The following PDE1A variants were observed in gnomAD, a reference collection of about 807,000 sequenced individuals.
PDE1A encodes the protein dual specificity calcium/calmodulin-dependent 3',5'-cyclic nucleotide phosphodiesterase 1A.
In PDE1A, 35 loss-of-function variants were observed where a neutral mutation model predicts 61.7. The ratio of observed to expected loss-of-function variants is 0.57; its 90% CI spans 0.43 to 0.75. The LOEUF is 0.75. Ranked by LOEUF, PDE1A falls within the 30% of genes least tolerant of loss-of-function variation. The probability of loss-of-function intolerance (pLI) is 0.00; values close to 1 mark genes in which losing one functional copy is unlikely to be tolerated. For synonymous variants in PDE1A, 232 were observed against 213.2 expected, an observed-to-expected ratio of 1.09 and a Z score of -0.77; for missense variants, 597 against 630.6, an observed-to-expected ratio of 0.95 and a Z score of 0.57.
the PDE1A span, among the ~76,000 whole-genome samples, chr2:182,659,831 T>C: frequency 6.6e-6 from 1 of 152,242 alleles, no homozygotes; most frequent in African/African-American, 2.4e-5. Flanking sequence ...GTATTAATAA[T>C]AAAAACCACA....
chr2:182,293,308 T>A (rs1468991968), intron 1 of PDE1A, among the ~76,000 whole-genome samples: 1 of 152,096 alleles, frequency 6.6e-6, no homozygotes, highest in East Asian at 1.9e-4. Context: ...TCATTAAAAC[T>A]TACATTCAAG....
At chr2:182,242,393 G>A (rs1690585998) in intron 2 of PDE1A, among the ~76,000 whole-genome samples, 1 of 152,084 alleles carries the variant, frequency 6.6e-6, no homozygotes, top group Non-Finnish European at 1.5e-5. Context: ...GGATTAATTA[G>A]GGACACACAA....
the PDE1A span, among the ~76,000 whole-genome samples, chr2:182,592,116 C>T: frequency 6.6e-6 from 1 of 152,172 alleles, no homozygotes; most frequent in African/African-American, 2.4e-5. Context: ...AATTTCGATG[C>T]CAGCTTGGTA....
chr2:182,417,632 A>G (rs1387901077), intron 1 of PDE1A, among the ~76,000 whole-genome samples: 1 of 152,212 alleles, frequency 6.6e-6, no homozygotes, highest in Non-Finnish European at 1.5e-5. Flanking sequence ...ATGAAAAATG[A>G]AAGAAAAAAA....
At chr2:182,594,981 T>G in the PDE1A span, among the ~76,000 whole-genome samples, 1 of 152,236 alleles carries the variant, frequency 6.6e-6, no homozygotes, top group Non-Finnish European at 1.5e-5. Flanking sequence ...TATTTAGATT[T>G]TTGCAATAAT....
At chr2:182,602,135 A>T in the PDE1A span, among the ~76,000 whole-genome samples, 1 of 152,236 alleles carries the variant, frequency 6.6e-6, no homozygotes, top group Non-Finnish European at 1.5e-5. Context: ...GGGAGAATCC[A>T]GGCAGAGGGA....
In PDE1A at chr2:182,325,916, C is replaced by T. The variant is rs575936734; in HGVS notation, c.54-61502G>A. Among the ~76,000 whole-genome samples, 193 of 152,264 alleles carry T rather than the reference C, an allele frequency of 1.3e-3. 1 individual carries two copies. The highest frequency in any genetic ancestry group is 9.6e-4 in the Non-Finnish European group (65 of 68,026). ...CCTGGGTGACAGAGCAAGACTCCAT[C>T]TCAAAACAAACAAACAACAACGACA... On this transcript the variant is annotated intron_variant, in intron 1 of 13. Transcript: ENST00000351439.
At chr2:182,429,753 C>CA, upstream of PDE1A, among the ~76,000 whole-genome samples, 1 of 152,212 alleles carries the variant, frequency 6.6e-6, no homozygotes, top group East Asian at 1.9e-4. Context: ...CATTAAGCAT[C>CA]ATGGAGAAAA....
intron 13 of PDE1A, among the ~76,000 whole-genome samples, chr2:182,156,353 T>C (rs1691080377): frequency 6.9e-6 from 1 of 143,976 alleles, no homozygotes; most frequent in South Asian, 2.2e-4. Context: ...CTTTCAACAC[T>C]TTTTTTTTTT....
chr2:182,323,255 G>A (rs987891802), intron 1 of PDE1A, among the ~76,000 whole-genome samples: 9 of 152,090 alleles, frequency 5.9e-5, no homozygotes, highest in African/African-American at 1.9e-4. Flanking sequence ...AATAATTGTG[G>A]CTTATTGTCA....
chr2:182,152,079 A>G (rs1025475139), intron 13 of PDE1A, among the ~76,000 whole-genome samples: 12 of 152,216 alleles, frequency 7.9e-5, no homozygotes, highest in Admixed American at 3.9e-4. Context: ...CAGTCTTTTC[A>G]ACAGAAATAT....
Position 182,436,294 on chromosome 2 carries a change from T to G in PDE1A, c.101+85982A>C, listed in dbSNP as rs542544554. Among the ~76,000 whole-genome samples the G allele has an allele frequency of 2.4e-4, 37 of 152,170 alleles. No homozygotes were observed. The South Asian group carries it at 7.0e-3, about 29-fold the overall frequency. ...CAATCTCATCTTTGGAATTACTATC[T>G]TCTTTTGAATATCAATGTATCATTA... On this transcript the variant is annotated intron_variant, in intron 2 of 14. Transcript: ENST00000410103.
chr2:182,434,175 A>G (rs1337055839), intron 2 of PDE1A, among the ~76,000 whole-genome samples: 1 of 152,152 alleles, frequency 6.6e-6, no homozygotes, highest in Non-Finnish European at 1.5e-5. Context: ...GTCAAGTTAT[A>G]CCAAAAATAT....
intron 10 of PDE1A, among the ~76,000 whole-genome samples, chr2:182,195,365 G>T (rs927777850): frequency 1.3e-5 from 2 of 151,978 alleles, no homozygotes; most frequent in East Asian, 1.9e-4. Flanking sequence ...GATGGGAAAA[G>T]GTAAGAAGGT....
At chr2:182,573,329 C>G in the PDE1A span, among the ~76,000 whole-genome samples, 1 of 152,100 alleles carries the variant, frequency 6.6e-6, no homozygotes, top group Non-Finnish European at 1.5e-5. Context: ...TTGGGACTAA[C>G]TTCCAGATTG....
the PDE1A span, among the ~76,000 whole-genome samples, chr2:182,637,913 C>T: frequency 1.3e-5 from 2 of 151,988 alleles, no homozygotes; most frequent in African/African-American, 4.8e-5. Flanking sequence ...CAGAGCGAGA[C>T]TCTGTCTCAA....
the PDE1A span, among the ~76,000 whole-genome samples, chr2:182,560,014 A>C: frequency 1.3e-5 from 2 of 151,956 alleles, no homozygotes; most frequent in South Asian, 2.1e-4. Context: ...GAGAAGCATT[A>C]AACACATTTT....
chr2:182,583,303 A>T, the PDE1A span, among the ~76,000 whole-genome samples: 8 of 152,370 alleles, frequency 5.3e-5, no homozygotes, highest in African/African-American at 1.9e-4. Flanking sequence ...GGAAATTATC[A>T]GAATAATATA....
intron 10 of PDE1A, among the ~76,000 whole-genome samples, chr2:182,200,178 A>G (rs1299098401): frequency 2.0e-5 from 3 of 152,194 alleles, no homozygotes; most frequent in Non-Finnish European, 4.4e-5. Context: ...ATTATCTGAT[A>G]TTCATTCCCA....
Sources: gnomAD v4.1 joint callset for allele counts (sites outside exome capture counted in the v4.1 genomes callset) on GRCh38, gnomAD v4.1.1 for gene constraint, MANE v1.5 for transcripts, NCBI Gene and HGNC (gene_info 2026-07-23, HGNC 2026-07-21) for gene names.